The following ZBBX variants were observed in gnomAD, a reference collection of about 807,000 sequenced individuals.
ZBBX encodes zinc finger B-box domain containing, also known as zinc finger B-box domain-containing protein 1.
In ZBBX, 101 loss-of-function variants were observed where a neutral mutation model predicts 108.5. The observed-to-expected ratio is 0.93, with a 90% CI of 0.79 to 1.10. The LOEUF (loss-of-function observed/expected upper bound fraction) is 1.10. ZBBX is among the 50% of genes least tolerant of loss of function. The pLI, the probability that ZBBX is intolerant of heterozygous loss-of-function variation, is 0.00. For missense variants in ZBBX, 1,009 were observed against 941.4 expected, an observed-to-expected ratio of 1.07 and a Z score of -0.94; for synonymous variants, 356 against 323.4, an observed-to-expected ratio of 1.10 and a Z score of -1.08.
At chr3:167,390,175 T>C (rs369664033) in intron 1 of ZBBX, among the ~76,000 whole-genome samples, 27 of 152,164 alleles carry the variant, frequency 1.8e-4, no homozygotes, top group African/African-American at 5.3e-4. Flanking sequence ...TTCAGTTTCC[T>C]GCATATGGCT....
chr3:167,297,699 A>G (rs1462247277), intron 18 of ZBBX, among the ~76,000 whole-genome samples: 1 of 152,000 alleles, frequency 6.6e-6, no homozygotes, highest in Admixed American at 6.6e-5. Flanking sequence ...AAAAACAAAT[A>G]ACCCAATTAA....
chr3:167,197,369 T>A, the ZBBX span, among the ~76,000 whole-genome samples: 1 of 151,890 alleles, frequency 6.6e-6, no homozygotes, highest in Non-Finnish European at 1.5e-5. Flanking sequence ...AAACCCCATC[T>A]CTACTAAAAA....
intron 12 of ZBBX, among the ~76,000 whole-genome samples, chr3:167,321,381 A>G (rs987919390): frequency 1.3e-5 from 2 of 152,062 alleles, no homozygotes; most frequent in African/African-American, 4.8e-5. Context: ...TTTAGAAATT[A>G]GCTGGAAACA....
chr3:167,381,720 A>G (rs960200117), upstream of ZBBX, among the ~76,000 whole-genome samples: 4 of 152,164 alleles, frequency 2.6e-5, no homozygotes, highest in Admixed American at 2.0e-4. Flanking sequence ...TATTCCACAA[A>G]TATTTATTGA....
intron 6 of ZBBX, among the ~76,000 whole-genome samples, chr3:167,364,297 C>T (rs370367539): frequency 2.6e-5 from 4 of 151,884 alleles, no homozygotes; most frequent in African/African-American, 9.7e-5. Flanking sequence ...AGCAAAATTG[C>T]CCCCTTCAGA....
At chr3:167,283,317 A>G (rs1489496980) in intron 19 of ZBBX, among the ~76,000 whole-genome samples, 1 of 152,216 alleles carries the variant, frequency 6.6e-6, no homozygotes, top group African/African-American at 2.4e-5. Context: ...AATAAGGCCA[A>G]GACAGTTTTC....
At chr3:167,270,229 G>A (rs570209963) in intron 20 of ZBBX, among the ~76,000 whole-genome samples, 13 of 152,284 alleles carry the variant, frequency 8.5e-5, no homozygotes, top group East Asian at 1.9e-4. Context: ...GTAAGTGCAG[G>A]CAAGTGGAGA....
intron 19 of ZBBX, among the ~76,000 whole-genome samples, chr3:167,283,053 A>G (rs1291039783): frequency 1.3e-5 from 2 of 152,222 alleles, no homozygotes. Flanking sequence ...AGAAATTGAG[A>G]TCACGTCTCT....
intron 5 of ZBBX, among the ~76,000 whole-genome samples, chr3:167,367,184 A>G (rs1459300663): frequency 1.3e-5 from 2 of 151,898 alleles, no homozygotes; most frequent in Non-Finnish European, 2.9e-5. Context: ...AACGGACATG[A>G]AACATGCACT....
chr3:167,194,229 AATATAT>A, the ZBBX span, among the ~76,000 whole-genome samples: 2,293 of 139,800 alleles, frequency 0.016, 42 homozygotes, highest in South Asian at 0.047. Flanking sequence ...ATATGTACTA[AATATAT>A]ATATATATAT....
intron 9 of ZBBX, among the ~76,000 whole-genome samples, chr3:167,348,371 A>AG (rs1409963332): frequency 0.018 from 2,520 of 140,130 alleles, 47 homozygotes; most frequent in African/African-American, 0.041. Context: ...AAAGAAAGAA[A>AG]AAAAAGAAAA....
chr3:167,303,338 C>T (rs925620219), intron 17 of ZBBX, among the ~76,000 whole-genome samples: 2 of 152,132 alleles, frequency 1.3e-5, no homozygotes, highest in African/African-American at 4.8e-5. Flanking sequence ...AATCTTAGTA[C>T]TTTTAACTCT....
intron 9 of ZBBX, among the ~76,000 whole-genome samples, chr3:167,347,197 T>C (rs546338550): frequency 1.3e-5 from 2 of 152,036 alleles, no homozygotes; most frequent in East Asian, 3.9e-4. Flanking sequence ...TCAAAAAACA[T>C]CTATCTAATT....
chr3:167,402,310 T>A (rs973282868), intron 1 of ZBBX, among the ~76,000 whole-genome samples: 1 of 152,174 alleles, frequency 6.6e-6, no homozygotes, highest in African/African-American at 2.4e-5. Context: ...AAAATCCTGA[T>A]AAGCTCCATG....
chr3:167,383,647 A>G (rs550644732), upstream of ZBBX, among the ~76,000 whole-genome samples: 6 of 152,190 alleles, frequency 3.9e-5, no homozygotes, highest in South Asian at 1.2e-3. Context: ...ATGCTTCACA[A>G]ATGGAGGAGA....
At chr3:167,320,680 T>C (rs947838485) in intron 12 of ZBBX, among the ~76,000 whole-genome samples, 1 of 152,036 alleles carries the variant, frequency 6.6e-6, no homozygotes, top group Non-Finnish European at 1.5e-5. Flanking sequence ...AGCACCACCT[T>C]AACTATGTGA....
chr3:167,353,208 T>G (rs1353273506), intron 8 of ZBBX, among the ~76,000 whole-genome samples: 1 of 152,104 alleles, frequency 6.6e-6, no homozygotes, highest in Non-Finnish European at 1.5e-5. Context: ...TGATGTTATC[T>G]TATGCCTAGA....
intron 9 of ZBBX, 26 bp downstream of exon 9, chr3:167,350,394 A>C (rs1336236429): frequency 4.6e-6 from 7 of 1,536,516 alleles, no homozygotes; most frequent in Non-Finnish European, 6.2e-6. Context: ...AACACACTAC[A>C]AGTAAATCAT....
intron 11 of ZBBX, among the ~76,000 whole-genome samples, chr3:167,324,832 G>A (rs1212985160): frequency 6.6e-6 from 1 of 152,060 alleles, no homozygotes; most frequent in Non-Finnish European, 1.5e-5. Context: ...TTAATGCCTT[G>A]GTAATGACAG....
Sources: gnomAD v4.1 joint callset for allele counts (sites outside exome capture counted in the v4.1 genomes callset) on GRCh38, gnomAD v4.1.1 for gene constraint, MANE v1.5 for transcripts, NCBI Gene and HGNC (gene_info 2026-07-23, HGNC 2026-07-21) for gene names.